PCDHA2: variants seen among roughly 807,000 people sequenced by gnomAD.
The protein encoded by PCDHA2 is protocadherin alpha 2.
PCDHA2 carries 58 observed loss-of-function variants against 66.0 expected under a neutral mutation model. The ratio of observed to expected loss-of-function variants is 0.88; its 90% CI spans 0.71 to 1.09. The LOEUF (loss-of-function observed/expected upper bound fraction) is 1.09. Among genes scored for constraint, PCDHA2 ranks in the 50% least tolerant of loss-of-function variants. PCDHA2 has a pLI of 0.00. For synonymous variants in PCDHA2, 634 were observed against 554.0 expected (o/e 1.14, Z -2.03); for missense variants, 1,267 against 1,242.3 (o/e 1.02, Z -0.30).
intron 1 of PCDHA2, among the ~76,000 whole-genome samples, chr5:140,969,715 A>G (rs1312398688): frequency 6.6e-6 from 1 of 152,082 alleles, no homozygotes; most frequent in Non-Finnish European, 1.5e-5. Context: ...CTACAGGGAA[A>G]TTTTTCTTTT....
chr5:140,973,411 C>G (rs545745437), intron 1 of PCDHA2, among the ~76,000 whole-genome samples: 2 of 152,326 alleles, frequency 1.3e-5, no homozygotes, highest in East Asian at 3.9e-4. Context: ...TGAGCTTCCA[C>G]TCCAGTTTTT....
At chr5:140,961,248 G>A (rs144956279) in intron 1 of PCDHA2, among the ~76,000 whole-genome samples, 129 of 152,276 alleles carry the variant, frequency 8.5e-4, no homozygotes, top group African/African-American at 1.8e-3. Flanking sequence ...GAATTTATCC[G>A]AAGCTCCAGG....
rs191365735 is a variant in PCDHA2 at position 140,910,066 on chromosome 5, C to T, written c.2389-68883C>T. Among the ~76,000 whole-genome samples the T allele has an allele frequency of 7.2e-5, 11 of 152,234 alleles. No individual in the cohort carries two copies. In the East Asian group the frequency reaches 1.5e-3, roughly 21 times the overall value. On this transcript the variant is annotated intron_variant, in intron 1 of 3. Coordinates refer to ENST00000526136, the MANE Select transcript of PCDHA2 (RefSeq NM_018905.3). ...GTCATAATAAGTGATCTTTTAACAG[C>T]GTAAATTGTTGTCAAGGGGAACCAG...
chr5:140,828,388 C>G (rs2150154802), intron 1 of PCDHA2: 3 of 1,614,274 alleles, frequency 1.9e-6, no homozygotes, highest in Non-Finnish European at 2.5e-6. Flanking sequence ...GCGGGCGGAG[C>G]GCGGAGTGCA....
At chr5:140,981,665 CCTTT>C (rs1170982670) in intron 2 of PCDHA2, among the ~76,000 whole-genome samples, 2 of 152,092 alleles carry the variant, frequency 1.3e-5, no homozygotes, top group Non-Finnish European at 2.9e-5. Flanking sequence ...TTTCTTCCTT[CCTTT>C]CTTCCTTCCT....
chr5:140,882,572 T>C, intron 1 of PCDHA2: 1 of 1,614,106 alleles, frequency 6.2e-7, no homozygotes, highest in Non-Finnish European at 8.5e-7. Flanking sequence ...GAGCGCGGAG[T>C]GCAGCATCCA....
intron 3 of PCDHA2, 71 bp from the exon 4 acceptor site, chr5:141,009,556 A>T: frequency 6.4e-7 from 1 of 1,564,868 alleles, no homozygotes; most frequent in Non-Finnish European, 8.7e-7. Flanking sequence ...GTACTCCTGT[A>T]CTCTACCAGC....
chr5:140,877,476 G>T (rs1554169787), intron 1 of PCDHA2: 2 of 1,613,870 alleles, frequency 1.2e-6, no homozygotes, highest in South Asian at 1.1e-5. Flanking sequence ...TGCTGGTGTC[G>T]CTGGTGGAGA....
chr5:140,825,862 G>C (rs2150141609), intron 1 of PCDHA2: 43 of 152,470 alleles, frequency 2.8e-4, no homozygotes, highest in African/African-American at 8.4e-4. Context: ...CTCCCCTCTT[G>C]AGTTGTTTAC....
At position 140,797,301 on chromosome 5, in the gene PCDHA2, T is replaced by A; in HGVS notation, c.2337T>A (p.Gly779=). ...LMAFSPSLSQ[G]PDSAEEKQLS... ...CCTTCAGCCCTAGCTTATCTCAAGG[T>A]CCAGACTCCGCAGAAGAGAAACAGC... The change falls in exon 1 of 4, where the codon GGT becomes GGA. Residue 779 remains glycine, a synonymous_variant. Transcript: ENST00000526136. The A allele has an allele frequency of 6.2e-7, 1 of 1,614,136 alleles. No homozygotes were observed. Among genetic ancestry groups the A allele is most frequent in the Non-Finnish European group, 8.5e-7 (1 of 1,180,032 alleles).
At chr5:140,981,019 T>C (rs1396794400) in intron 2 of PCDHA2, among the ~76,000 whole-genome samples, 1 of 152,124 alleles carries the variant, frequency 6.6e-6, no homozygotes, top group Non-Finnish European at 1.5e-5. Flanking sequence ...ACTTGAAGGC[T>C]GTTAATATTT....
intron 1 of PCDHA2, 108 bp downstream of exon 1, chr5:140,797,460 A>G (rs374790364): frequency 7.8e-7 from 1 of 1,274,864 alleles, no homozygotes; most frequent in Non-Finnish European, 1.1e-6. Flanking sequence ...ATTTTATATC[A>G]TCCTACCGTG....
chr5:140,822,989 C>G, intron 1 of PCDHA2: 1 of 1,614,244 alleles, frequency 6.2e-7, no homozygotes, highest in Non-Finnish European at 8.5e-7. Flanking sequence ...AATTACTACT[C>G]GTTGGTGCTG....
At chr5:140,963,722 T>G (rs948660694) in intron 1 of PCDHA2, among the ~76,000 whole-genome samples, 2 of 152,242 alleles carry the variant, frequency 1.3e-5, no homozygotes, top group Non-Finnish European at 2.9e-5. Flanking sequence ...ACATATAGAC[T>G]GCCAACTAAG....
At chr5:140,930,814 T>A (rs1554208117) in intron 1 of PCDHA2, among the ~76,000 whole-genome samples, 1 of 152,210 alleles carries the variant, frequency 6.6e-6, no homozygotes, top group Non-Finnish European at 1.5e-5. Flanking sequence ...AAGATATGCT[T>A]AGTAAATGCT....
chr5:140,929,205 G>A (rs201292001), intron 1 of PCDHA2: 14 of 1,614,120 alleles, frequency 8.7e-6, no homozygotes, highest in Non-Finnish European at 1.2e-5. Flanking sequence ...GTTTGCTGTT[G>A]CGTGGGGAGT....
intron 1 of PCDHA2, among the ~76,000 whole-genome samples, chr5:140,974,883 C>T (rs1188748856): frequency 1.3e-5 from 2 of 152,154 alleles, no homozygotes; most frequent in Non-Finnish European, 2.9e-5. Context: ...CTATGTATCC[C>T]TTTTCTGATG....
At chr5:140,843,915 T>C in intron 1 of PCDHA2, 1 of 619,744 alleles carries the variant, frequency 1.6e-6, no homozygotes, top group East Asian at 2.9e-5. Flanking sequence ...GTTGGGTCTA[T>C]CTTGAAACTC....
chr5:140,931,175 G>A (rs1321525314), intron 1 of PCDHA2, among the ~76,000 whole-genome samples: 2 of 152,138 alleles, frequency 1.3e-5, no homozygotes, highest in Non-Finnish European at 2.9e-5. Flanking sequence ...TAATTTTAGG[G>A]AAGGAAATTG....
Sources: gnomAD v4.1 joint callset for allele counts (sites outside exome capture counted in the v4.1 genomes callset) on GRCh38, gnomAD v4.1.1 for gene constraint, MANE v1.5 for transcripts, NCBI Gene and HGNC (gene_info 2026-07-23, HGNC 2026-07-21) for gene names.